The following NRBF2 variants were observed in gnomAD, a reference collection of about 807,000 sequenced individuals.
The protein encoded by NRBF2 is nuclear receptor binding factor 2, also known as nuclear receptor-binding factor 2.
NRBF2 carries 12 observed loss-of-function variants against 28.5 expected under a neutral mutation model. The observed-to-expected ratio is 0.42, with a 90% confidence interval of 0.27 to 0.68. NRBF2 has a LOEUF of 0.68. Among genes scored for constraint, NRBF2 ranks in the 30% least tolerant of loss-of-function variants. The pLI is 0.24. For synonymous variants in NRBF2, 102 were observed against 116.5 expected (o/e 0.88, Z 0.80); for missense variants, 274 against 333.5 (o/e 0.82, Z 1.39).
chr10:63,137,706 G>T (rs1249833679), intron 1 of NRBF2, among the ~76,000 whole-genome samples: 1 of 152,126 alleles, frequency 6.6e-6, no homozygotes, highest in African/African-American at 2.4e-5. Context: ...TGCATACCTG[G>T]AGTCCTTATA....
chr10:63,153,897 T>C lies in NRBF2; in HGVS notation c.543T>C (p.His181=), dbSNP rs764922598. The change falls in exon 4 of 4, where the codon CAT becomes CAC. Residue 181 remains histidine, a synonymous_variant. Coordinates refer to ENST00000277746, the MANE Select transcript of NRBF2 (RefSeq NM_030759.5). ...CCAAAATTGCAGATTTGAAGAGGCA[T>C]GTGGAATTCCTTGTGGCTGAGAATG... ...QATKIADLKR[H]VEFLVAENER... is the part of the protein sequence containing the mutation. The C allele has an allele frequency of 1.2e-6, 2 of 1,611,886 alleles. No individual in the cohort carries two copies. The highest frequency in any genetic ancestry group is 1.3e-5 in the African/African-American group (1 of 74,836).
chr10:63,145,478 G>T (rs1280947531), intron 1 of NRBF2, among the ~76,000 whole-genome samples: 1 of 152,184 alleles, frequency 6.6e-6, no homozygotes, highest in Non-Finnish European at 1.5e-5. Context: ...CAAAGTGCTG[G>T]GATTACAGCC....
intron 1 of NRBF2, among the ~76,000 whole-genome samples, chr10:63,141,369 G>C (rs1841463455): frequency 6.6e-6 from 1 of 152,186 alleles, no homozygotes; most frequent in Non-Finnish European, 1.5e-5. Context: ...CCAGGATATT[G>C]AGGCTGCAGT....
intron 1 of NRBF2, among the ~76,000 whole-genome samples, chr10:63,144,152 C>T (rs1023901299): frequency 6.6e-6 from 1 of 152,092 alleles, no homozygotes; most frequent in Non-Finnish European, 1.5e-5. Context: ...AGTATATTCG[C>T]ATGGTTGTGC....
At chr10:63,137,199 T>G (rs962858395) in intron 1 of NRBF2, among the ~76,000 whole-genome samples, 1 of 152,236 alleles carries the variant, frequency 6.6e-6, no homozygotes, top group African/African-American at 2.4e-5. Flanking sequence ...GGTCTTGAAC[T>G]CCTGGCCTCA....
Position 63,154,282 on chromosome 10 carries a change from G to T in NRBF2, c.*64G>T. 2.7e-6 allele frequency: 3 copies of T among 1,098,260 alleles called. No homozygotes were observed. Among genetic ancestry groups the T allele is most frequent in the Non-Finnish European group, 2.6e-6 (2 of 756,616 alleles). 68.0% of individuals were successfully genotyped at this position (1,098,260 alleles called of 1,614,324 possible). A position where few individuals can be genotyped will look rare whatever the true frequency, so the allele number is the denominator to read the frequency against. On this transcript the variant is annotated 3_prime_UTR_variant, in exon 4 of 4. Transcript: ENST00000277746. The stretch of plus-strand genomic sequence containing the variant: ...ACAGTAATCGTTAATCCAGCAAAAA[G>T]AAATGAAAAGGGAAAACCACATAGA...
intron 1 of NRBF2, among the ~76,000 whole-genome samples, chr10:63,145,235 G>C (rs1841540678): frequency 6.6e-6 from 1 of 151,632 alleles, no homozygotes; most frequent in South Asian, 2.1e-4. Context: ...AGCCTCCTGA[G>C]TAGCTGGGAT....
intron 1 of NRBF2, among the ~76,000 whole-genome samples, chr10:63,134,373 G>A (rs1841342910): frequency 1.3e-5 from 2 of 152,166 alleles, no homozygotes; most frequent in Admixed American, 6.6e-5. Context: ...TTGCACACAG[G>A]AAGAACTTTT....
Position 63,142,293 on chromosome 10 carries a change from G to GTTTTTT in NRBF2, c.31-3913_31-3908dup, listed in dbSNP as rs1261835924. 2.6e-4 allele frequency among the ~76,000 whole-genome samples: 35 copies of GTTTTTT among 135,600 alleles called. 2 individuals are homozygous for GTTTTTT. In the East Asian group the frequency reaches 3.2e-3, roughly 13 times the overall value. 89.0% of individuals were successfully genotyped at this position (135,600 alleles called of 152,430 possible). Reference sequence around the variant, plus strand: ...CCAAACCTCCTGAATCAGAACCTTTGTTTTTTTTGTTTTTTTTGTTTTTTT... The same window carrying GTTTTTT: ...CCAAACCTCCTGAATCAGAACCTTTGTTTTTTTTTTTTTTGTTTTTTTTGTTTTTTT... On this transcript the variant is annotated intron_variant, in intron 1 of 3. Transcript: ENST00000277746.
At chr10:63,151,591 A>AAGAT (rs1841650414) in intron 2 of NRBF2, among the ~76,000 whole-genome samples, 1 of 152,216 alleles carries the variant, frequency 6.6e-6, no homozygotes, top group Admixed American at 6.5e-5. Context: ...CGAGGATCTA[A>AAGAT]GATCAGAGAG....
intron 1 of NRBF2, among the ~76,000 whole-genome samples, chr10:63,133,723 C>G (rs1456455931): frequency 6.6e-6 from 1 of 152,164 alleles, no homozygotes; most frequent in Non-Finnish European, 1.5e-5. Context: ...AGTCCTGGCG[C>G]CCCCTGTCGC....
In NRBF2 at chr10:63,153,545, A is replaced by G. The variant is rs377132470; in HGVS notation, c.191A>G (p.His64Arg). 1.2e-6 allele frequency: 2 copies of G among 1,611,724 alleles called. No individual in the cohort carries two copies. Among genetic ancestry groups the G allele is most frequent in the Admixed American group, 1.7e-5 (1 of 59,932 alleles). ...TCACTGGAATTGCAAAGGGATAGCCATATGAAACAGCTCCTCCTCATCCAA... is the reference window on the plus strand; with the variant it reads ...TCACTGGAATTGCAAAGGGATAGCCGTATGAAACAGCTCCTCCTCATCCAA... ...HLSLELQRDS[H>R]MKQLLLIQER... Residue 64 changes from histidine to arginine, a missense_variant, in exon 4 of 4, where the codon CAT becomes CGT. His to Arg is a conservative substitution (Grantham distance 29). Coordinates refer to ENST00000277746, the MANE Select transcript of NRBF2 (RefSeq NM_030759.5).
chr10:63,152,198 A>G lies in NRBF2; in HGVS notation c.156+8A>G, dbSNP rs1338251699. 2.5e-6 allele frequency: 4 copies of G among 1,611,360 alleles called. No individual in the cohort carries two copies. In the East Asian group the frequency reaches 6.7e-5, roughly 27 times the overall value. ...CTGACACAGTCAGAGCAGGTGAGAC[A>G]TATTCCCAATATTTGCGACAAGGGT... is the stretch of plus-strand genomic sequence containing the variant. On this transcript the variant is annotated splice_region_variant and intron_variant, in intron 3 of 3. Coordinates refer to ENST00000277746, the MANE Select transcript of NRBF2 (RefSeq NM_030759.5).
Position 63,153,976 on chromosome 10 carries a change from A to G in NRBF2, c.622A>G (p.Lys208Glu). 2 of 1,611,868 alleles carry G rather than the reference A, an allele frequency of 1.2e-6. No individual in the cohort carries two copies. Among genetic ancestry groups the G allele is most frequent in the Non-Finnish European group, 1.7e-6 (2 of 1,179,796 alleles). ...AAAGGCTGAAAAGGCCAGACTTCTA[A>G]AAGGTCCAATAGAAAAGGAGCTGGA... ...QLKAEKARLLKGPIEKELDVD... is the reference protein window; with the variant it reads ...QLKAEKARLLEGPIEKELDVD... The change falls in exon 4 of 4, where the codon AAA (lysine) becomes GAA (glutamate). Residue 208 changes from lysine (K) to glutamate (E), a missense_variant. Transcript: ENST00000277746.
intron 2 of NRBF2, chr10:63,150,449 G>A (rs1453839979): frequency 2.6e-5 from 19 of 729,736 alleles, no homozygotes; most frequent in African/African-American, 3.9e-5. Context: ...ACAGGGTCCC[G>A]CTATGTTACC....
chr10:63,153,654 A>G lies in NRBF2; in HGVS notation c.300A>G (p.Thr100=), dbSNP rs745425829. The change falls in exon 4 of 4, where the codon ACA becomes ACG. Residue 100 remains threonine, a synonymous_variant. Coordinates refer to ENST00000277746, the MANE Select transcript of NRBF2 (RefSeq NM_030759.5). ...TDKDAAAHLQ[T]SHKPSAEDAE... ...AGGATGCAGCTGCCCATCTTCAGAC[A>G]TCTCACAAACCCTCTGCAGAGGATG... 2.5e-6 allele frequency: 4 copies of G among 1,611,970 alleles called. No homozygotes were observed. The South Asian group carries it at 4.4e-5, about 18-fold the overall frequency.
At chr10:63,149,819 T>A (rs2132693470) in intron 2 of NRBF2, among the ~76,000 whole-genome samples, 1 of 152,266 alleles carries the variant, frequency 6.6e-6, no homozygotes, top group Admixed American at 6.5e-5. Context: ...AGAAAGTGGA[T>A]TTAAAGCAAA....
In NRBF2 at chr10:63,153,729, A is replaced by G. The variant is rs773276496; in HGVS notation, c.375A>G (p.Lys125=). ...AGAAGTACAGCCCTTCCACAGAGAA[A>G]TGCCTGCCTGAGATTCAGGGGATCT... ...LSQKYSPSTE[K]CLPEIQGIFD... is the part of the protein sequence containing the mutation. The change falls in exon 4 of 4, where the codon AAA becomes AAG. Residue 125 remains lysine (K), a synonymous_variant. Coordinates refer to ENST00000277746, the MANE Select transcript of NRBF2 (RefSeq NM_030759.5). 1.9e-6 allele frequency: 3 copies of G among 1,612,664 alleles called. No individual in the cohort carries two copies. Among genetic ancestry groups the G allele is most frequent in the Non-Finnish European group, 1.7e-6 (2 of 1,179,766 alleles).
At chr10:63,144,417 C>CT (rs58418737) in intron 1 of NRBF2, among the ~76,000 whole-genome samples, 33,297 of 138,748 alleles carry the variant, frequency 0.24, 5,074 homozygotes, top group Non-Finnish European at 0.32. Flanking sequence ...ATTATCTTCC[C>CT]TTTTTTTTTT....
Sources: gnomAD v4.1 joint callset for allele counts (sites outside exome capture counted in the v4.1 genomes callset) on GRCh38, gnomAD v4.1.1 for gene constraint, MANE v1.5 for transcripts, NCBI Gene and HGNC (gene_info 2026-07-23, HGNC 2026-07-21) for gene names.